Variants in UNC13B observed in about 807,000 individuals in gnomAD.
UNC13B encodes unc-13 homolog B.
A neutral mutation model predicts 211.0 loss-of-function variants in UNC13B; 144 were observed. The observed-to-expected ratio is 0.68, with a 90% CI of 0.60 to 0.78. UNC13B has a LOEUF of 0.78. Among genes scored for constraint, UNC13B ranks in the 30% least tolerant of loss-of-function variants. The pLI is 0.00. For synonymous variants in UNC13B, 709 were observed against 725.8 expected, an observed-to-expected ratio of 0.98 and a Z score of 0.37; for missense variants, 1,777 against 2,002.0, an observed-to-expected ratio of 0.89 and a Z score of 2.14.
intron 1 of UNC13B, among the ~76,000 whole-genome samples, chr9:35,212,626 G>A (rs1429647096): frequency 6.6e-6 from 1 of 152,076 alleles, no homozygotes; most frequent in Non-Finnish European, 1.5e-5. Flanking sequence ...AGCATGAAAG[G>A]CAGAATATTA....
chr9:35,403,613 G>A lies in UNC13B; in HGVS notation c.12737+14G>A. On this transcript the variant is annotated intron_variant, in intron 39 of 39. Coordinates refer to ENST00000635942, the MANE Select transcript of UNC13B (RefSeq NM_001371189.2). ...GACATTCCACTTGTAAGTTACGGGG[G>A]GGACATACAGGACTCTGGGATGGGG... The A allele has an allele frequency of 4.4e-6, 7 of 1,574,332 alleles. No homozygotes were observed. Among genetic ancestry groups the A allele is most frequent in the South Asian group, 1.1e-5 (1 of 89,904 alleles).
At chr9:35,202,793 CTT>C (rs922684961) in intron 1 of UNC13B, among the ~76,000 whole-genome samples, 8 of 131,518 alleles carry the variant, frequency 6.1e-5, no homozygotes, top group Non-Finnish European at 1.6e-5. Flanking sequence ...TGGGTCTTGA[CTT>C]TTTTTTTTTT....
chr9:35,349,930 T>G (rs7030314), intron 11 of UNC13B, among the ~76,000 whole-genome samples: 4,365 of 152,210 alleles, frequency 0.029, 216 homozygotes, highest in African/African-American at 0.1. Context: ...AGGATTAACT[T>G]GAGTACTGGG....
intron 11 of UNC13B, among the ~76,000 whole-genome samples, chr9:35,328,434 C>T (rs1831144640): frequency 6.6e-6 from 1 of 152,164 alleles, no homozygotes; most frequent in Non-Finnish European, 1.5e-5. Context: ...CTTCTGTTCT[C>T]CATATCTGCT....
intron 8 of UNC13B, among the ~76,000 whole-genome samples, chr9:35,297,561 T>TTTTTTGTTTTTTTTTTTTTTTG: frequency 7.8e-6 from 1 of 128,164 alleles, no homozygotes; most frequent in Non-Finnish European, 1.7e-5. Flanking sequence ...TTTTTTTTTT[T>TTTTTTGTTTTTTTTTTTTTTTG]TTTTTTGAGA....
chr9:35,167,100 C>T (rs1487871547), intron 1 of UNC13B, among the ~76,000 whole-genome samples: 1 of 152,030 alleles, frequency 6.6e-6, no homozygotes, highest in East Asian at 1.9e-4. Flanking sequence ...TTTTTTGAGA[C>T]AGTCTCGCTG....
At chr9:35,395,621 AT>A (rs2132341012) in intron 26 of UNC13B, among the ~76,000 whole-genome samples, 2 of 152,292 alleles carry the variant, frequency 1.3e-5, no homozygotes, top group East Asian at 3.9e-4. Flanking sequence ...CATACAATTG[AT>A]TTTTATTATT....
chr9:35,336,848 C>T (rs1378450357), intron 11 of UNC13B, among the ~76,000 whole-genome samples: 1 of 152,168 alleles, frequency 6.6e-6, no homozygotes, highest in Non-Finnish European at 1.5e-5. Context: ...AGTAGTTTTT[C>T]ATGTTTATTT....
intron 1 of UNC13B, among the ~76,000 whole-genome samples, chr9:35,221,509 A>G (rs1824563213): frequency 6.6e-6 from 1 of 152,118 alleles, no homozygotes; most frequent in Non-Finnish European, 1.5e-5. Flanking sequence ...TAGTTTGCAA[A>G]TTACTTTTTC....
rs77398009 is a variant in UNC13B, at chr9:35,254,067, G to A, written c.469-4926G>A. On this transcript the variant is annotated intron_variant, in intron 6 of 39. Coordinates refer to ENST00000635942, the MANE Select transcript of UNC13B (RefSeq NM_001371189.2). The stretch of plus-strand genomic sequence containing the variant: ...ATTTATTCACCAAATCAGTTATTAC[G>A]CATCAGGTACCATGCACTATTCTGT... Among the ~76,000 whole-genome samples the A allele has an allele frequency of 1.7e-4, 26 of 152,100 alleles. No individual in the cohort carries two copies. The East Asian group carries it at 4.6e-3, about 27-fold the overall frequency.
At chr9:35,391,113 ACT>A (rs1835504526) in intron 26 of UNC13B, among the ~76,000 whole-genome samples, 1 of 151,944 alleles carries the variant, frequency 6.6e-6, no homozygotes, top group Non-Finnish European at 1.5e-5. Context: ...TATGTTGGGG[ACT>A]CTCTGGCCTG....
At chr9:35,375,969 G>T in intron 14 of UNC13B, 59 bp from the exon 15 acceptor site, 1 of 1,550,446 alleles carries the variant, frequency 6.4e-7, no homozygotes, top group South Asian at 1.1e-5. Flanking sequence ...AACAGAGCAA[G>T]ACTCTGTCTC....
At chr9:35,184,641 G>A (rs1459932521) in intron 1 of UNC13B, among the ~76,000 whole-genome samples, 1 of 152,084 alleles carries the variant, frequency 6.6e-6, no homozygotes, top group Non-Finnish European at 1.5e-5. Flanking sequence ...CCGGGGCAGG[G>A]AGGCTACAGG....
chr9:35,283,189 A>G (rs1040292511), intron 7 of UNC13B, among the ~76,000 whole-genome samples: 8 of 152,060 alleles, frequency 5.3e-5, no homozygotes, highest in African/African-American at 1.9e-4. Flanking sequence ...TTGTATGATT[A>G]TTTGATTAAT....
chr9:35,199,413 G>A (rs1823142881), intron 1 of UNC13B, among the ~76,000 whole-genome samples: 3 of 152,114 alleles, frequency 2.0e-5, no homozygotes, highest in Admixed American at 1.3e-4. Flanking sequence ...TTGAGGAATC[G>A]CCACACTGTC....
At position 35,305,818 on chromosome 9, in the gene UNC13B, CAA is replaced by C. The variant is rs976309969; in HGVS notation, c.6416_6417del (p.Lys2139ArgfsTer30). On this transcript the variant is annotated frameshift_variant, in exon 9 of 40. Coordinates refer to ENST00000635942, the MANE Select transcript of UNC13B (RefSeq NM_001371189.2). LOFTEE classifies it high-confidence loss of function. ...CAAATGAACAAGATCATTTTTCTGA[CAA>C]AGACTGGAGTTTCTCTATGGCTGCA... ...NSNEQDHFSD[K>X]DWSFSMAATS... 6 of 398,854 alleles carry C rather than the reference CAA, an allele frequency of 1.5e-5. No individual in the cohort carries two copies. Among genetic ancestry groups the C allele is most frequent in the African/African-American group, 6.2e-5 (3 of 48,628 alleles). The allele number at this position is 398,854 out of a possible 1,614,324, so 24.7% of individuals were successfully genotyped here.
chr9:35,357,097 A>G (rs1833072692), intron 11 of UNC13B, among the ~76,000 whole-genome samples: 1 of 152,210 alleles, frequency 6.6e-6, no homozygotes, highest in Admixed American at 6.5e-5. Context: ...TTGGGTATTT[A>G]CCTAGAAGTA....
chr9:35,246,496 A>G (rs1826110533), intron 6 of UNC13B, among the ~76,000 whole-genome samples: 1 of 152,226 alleles, frequency 6.6e-6, no homozygotes, highest in African/African-American at 2.4e-5. Flanking sequence ...CTAACATTTA[A>G]GTCTTTAATC....
Position 35,398,926 on chromosome 9 carries a change from T to C in UNC13B, c.11966T>C (p.Ile3989Thr). Reference sequence around the variant, plus strand: ...GAGTGTGTTCGACAAATGGCCGACATCCTGGGCCAGGTTCGGGGCACAGGG... The same window carrying C: ...GAGTGTGTTCGACAAATGGCCGACACCCTGGGCCAGGTTCGGGGCACAGGG... ...IDECVRQMAD[I>T]LGQVRGTGNA... is the part of the protein sequence containing the mutation. The change falls in exon 33 of 40, where the codon ATC (isoleucine) becomes ACC (threonine). Residue 3989 changes from isoleucine (I) to threonine (T), a missense_variant. Ile to Thr is a moderately conservative substitution (Grantham distance 89). Coordinates refer to ENST00000635942, the MANE Select transcript of UNC13B (RefSeq NM_001371189.2). 1.2e-6 allele frequency: 2 copies of C among 1,614,148 alleles called. No homozygotes were observed. Among genetic ancestry groups the C allele is most frequent in the South Asian group, 1.1e-5 (1 of 91,074 alleles).
Sources: gnomAD v4.1 joint callset for allele counts (sites outside exome capture counted in the v4.1 genomes callset) on GRCh38, gnomAD v4.1.1 for gene constraint, MANE v1.5 for transcripts, NCBI Gene and HGNC (gene_info 2026-07-23, HGNC 2026-07-21) for gene names.